The following SGCD variants were observed in gnomAD, a reference collection of about 807,000 sequenced individuals.
The protein encoded by SGCD is delta-sarcoglycan.
SGCD carries 18 observed loss-of-function variants against 36.6 expected under a neutral mutation model. The ratio of observed to expected loss-of-function variants is 0.49; its 90% CI spans 0.34 to 0.73. The LOEUF (loss-of-function observed/expected upper bound fraction) is 0.73, where lower values mean the gene tolerates loss of function less well. Among genes scored for constraint, SGCD ranks in the 30% least tolerant of loss-of-function variants. SGCD has a pLI of 0.01. For synonymous variants in SGCD, 133 were observed against 130.6 expected (o/e 1.02, Z -0.12); for missense variants, 387 against 346.7 (o/e 1.12, Z -0.92).
chr5:155,937,178 G>T (rs763153338), intron 1 of SGCD, among the ~76,000 whole-genome samples: 10 of 152,186 alleles, frequency 6.6e-5, no homozygotes, highest in Non-Finnish European at 1.2e-4. Flanking sequence ...GGCATGACTT[G>T]GGTGGCTGCA....
chr5:156,155,222 G>A (rs1041911793), intron 3 of SGCD, among the ~76,000 whole-genome samples: 3 of 151,390 alleles, frequency 2.0e-5, no homozygotes, highest in Non-Finnish European at 4.4e-5. Context: ...CCGTCCATCT[G>A]TCTATCTGAA....
chr5:156,554,270 G>A (rs1286000652), intron 4 of SGCD, among the ~76,000 whole-genome samples: 1 of 151,470 alleles, frequency 6.6e-6, no homozygotes, highest in Non-Finnish European at 1.5e-5. Context: ...CACAAGAATT[G>A]CTTGAAATCA....
chr5:155,843,756 G>T, the SGCD span, among the ~76,000 whole-genome samples: 88 of 152,216 alleles, frequency 5.8e-4, no homozygotes, highest in African/African-American at 8.9e-4. Flanking sequence ...GGAGTAGGGG[G>T]GCTACAGCTA....
intron 3 of SGCD, among the ~76,000 whole-genome samples, chr5:156,470,458 G>C (rs866967574): frequency 1.2e-4 from 18 of 151,868 alleles, no homozygotes; most frequent in African/African-American, 3.4e-4. Context: ...TCGTCATTTA[G>C]CATTAGTTAT....
chr5:155,931,577 A>G (rs984754395), intron 1 of SGCD, among the ~76,000 whole-genome samples: 2 of 152,134 alleles, frequency 1.3e-5, no homozygotes, highest in African/African-American at 2.4e-5. Flanking sequence ...AAATTAAGCA[A>G]TAGTTGTGTT....
intron 4 of SGCD, among the ~76,000 whole-genome samples, chr5:156,579,775 C>A (rs1311715976): frequency 3.3e-5 from 5 of 152,094 alleles, no homozygotes; most frequent in African/African-American, 1.2e-4. Context: ...GGTAGATCTT[C>A]CTCCATCCCC....
At chr5:155,864,531 G>T in the SGCD span, among the ~76,000 whole-genome samples, 1 of 152,100 alleles carries the variant, frequency 6.6e-6, no homozygotes, top group Non-Finnish European at 1.5e-5. Context: ...TTATTGAAAT[G>T]ATTTAAAGTT....
At chr5:155,895,740 C>T (rs908638565) in intron 1 of SGCD, among the ~76,000 whole-genome samples, 1 of 151,546 alleles carries the variant, frequency 6.6e-6, no homozygotes, top group African/African-American at 2.4e-5. Context: ...AGTAAATTCT[C>T]TGTGGGATAT....
intron 3 of SGCD, among the ~76,000 whole-genome samples, chr5:156,386,745 T>G (rs1771295797): frequency 6.6e-6 from 1 of 152,240 alleles, no homozygotes; most frequent in Admixed American, 6.5e-5. Flanking sequence ...CTCCAAGTGT[T>G]GGAGGGATGG....
At chr5:156,222,361 G>T (rs376090588) in intron 3 of SGCD, among the ~76,000 whole-genome samples, 28 of 152,240 alleles carry the variant, frequency 1.8e-4, no homozygotes, top group Middle Eastern at 6.8e-3. Context: ...TACATTTTAA[G>T]ATTCCATTTA....
rs572872289 is a variant in SGCD, at chr5:156,120,182, G to A, written c.-208+2231G>A. Among the ~76,000 whole-genome samples, 3 of 152,252 alleles carry A rather than the reference G, an allele frequency of 2.0e-5. No individual in the cohort carries two copies. The South Asian group carries it at 6.2e-4, about 32-fold the overall frequency. ...TGTGCCATGTGGCATCTTGTTAATG[G>A]GTAGTGGAATTTGGTGAATACTTTT... On this transcript the variant is annotated intron_variant, in intron 2 of 9. Coordinates refer to the SGCD transcript ENST00000517913.
At chr5:155,817,488 G>C in the SGCD span, among the ~76,000 whole-genome samples, 1 of 151,680 alleles carries the variant, frequency 6.6e-6, no homozygotes, top group Non-Finnish European at 1.5e-5. Flanking sequence ...TTTAAGATAG[G>C]TTTATTTAGG....
intron 1 of SGCD, among the ~76,000 whole-genome samples, chr5:156,019,344 T>TTGAG (rs1759051016): frequency 6.6e-6 from 1 of 152,168 alleles, no homozygotes; most frequent in Non-Finnish European, 1.5e-5. Context: ...ACATATTAAT[T>TTGAG]TGAGTTTTCC....
At chr5:156,389,905 C>CAG (rs1239616192) in intron 3 of SGCD, among the ~76,000 whole-genome samples, 12 of 150,948 alleles carry the variant, frequency 7.9e-5, no homozygotes, top group Non-Finnish European at 1.5e-4. Flanking sequence ...TATTATGTTA[C>CAG]ACACACACAC....
At chr5:156,048,404 T>C (rs1378266871) in intron 1 of SGCD, among the ~76,000 whole-genome samples, 1 of 152,182 alleles carries the variant, frequency 6.6e-6, no homozygotes, top group Non-Finnish European at 1.5e-5. Flanking sequence ...CCACACTGAC[T>C]TCCACAATGG....
At chr5:156,272,473 C>T (rs1404964087) in intron 3 of SGCD, among the ~76,000 whole-genome samples, 1 of 152,136 alleles carries the variant, frequency 6.6e-6, no homozygotes, top group East Asian at 1.9e-4. Flanking sequence ...AATTGTGCTG[C>T]TAGAAGCATG....
At position 156,128,542 on chromosome 5, in the gene SGCD, C is replaced by T. The variant is rs143882398; in HGVS notation, c.-44+4523C>T. On this transcript the variant is annotated intron_variant, in intron 3 of 9. Coordinates refer to the SGCD transcript ENST00000517913. The stretch of plus-strand genomic sequence containing the variant: ...TAGATGATATGGTTTGGCTCTGGGT[C>T]CCCATCCAAATCTCGTCTCTAATTG... Among the ~76,000 whole-genome samples the T allele has an allele frequency of 9.0e-3, 1,370 of 152,298 alleles. 9 individuals carry two copies. Among genetic ancestry groups the T allele is most frequent in the Middle Eastern group, 0.034 (10 of 294 alleles).
rs1026914424 is a variant in SGCD, at chr5:156,014,680, C to T, written c.-281-103198C>T. ...TTCTTCCAGTTTGCTCAATATTGTC[C>T]CAGTAATGTTCTTTGTCACATTTTT... On this transcript the variant is annotated intron_variant, in intron 1 of 9. Coordinates refer to the SGCD transcript ENST00000517913. Among the ~76,000 whole-genome samples the T allele has an allele frequency of 1.3e-4, 20 of 152,174 alleles. 1 individual carries two copies. The highest frequency in any genetic ancestry group is 1.2e-3 in the Admixed American group (18 of 15,278).
chr5:156,188,996 T>G (rs980699979), intron 3 of SGCD, among the ~76,000 whole-genome samples: 3 of 152,188 alleles, frequency 2.0e-5, no homozygotes, highest in African/African-American at 7.2e-5. Context: ...GTGTACACAT[T>G]ACATAAATTT....
Sources: gnomAD v4.1 joint callset for allele counts (sites outside exome capture counted in the v4.1 genomes callset) on GRCh38, gnomAD v4.1.1 for gene constraint, MANE v1.5 for transcripts, NCBI Gene and HGNC (gene_info 2026-07-23, HGNC 2026-07-21) for gene names.